Variants in ZDHHC3 observed in about 807,000 individuals in gnomAD.
ZDHHC3 encodes palmitoyltransferase ZDHHC3.
ZDHHC3 carries 9 observed loss-of-function variants against 30.6 expected under a neutral mutation model. That is an observed-to-expected ratio of 0.29 (90% confidence interval 0.18 to 0.51). ZDHHC3 has a LOEUF of 0.51. Among genes scored for constraint, ZDHHC3 ranks in the 20% least tolerant of loss-of-function variants. The pLI is 0.97. For missense variants in ZDHHC3, 246 were observed against 384.2 expected (o/e 0.64, Z 3.01); for synonymous variants, 136 against 140.2 (o/e 0.97, Z 0.21).
At position 44,959,409 on chromosome 3, in the gene ZDHHC3, G is replaced by T. The variant is rs750072750; in HGVS notation, c.28C>A (p.Arg10=). ...TATTCTGGTTTCCGCTCAATGTTTC[G>T]GAAGTGGTGGGTGGGGATAAGCATC... MMLIPTHHF[R]NIERKPEYLQ... The change falls in exon 2 of 7, where the codon CGA becomes AGA. Residue 10 remains arginine, a synonymous_variant. Transcript: ENST00000424952. The surrounding 1 kb of genome is among the most constrained non-coding windows in gnomAD (Gnocchi z 4.3). The T allele has an allele frequency of 6.2e-7, 1 of 1,614,016 alleles. No homozygotes were observed. The highest frequency in any genetic ancestry group is 1.7e-5 in the Admixed American group (1 of 60,010).
rs746385550 is a variant in ZDHHC3 at position 44,922,099 on chromosome 3, G to T, written c.*4590C>A. 4 of 985,468 alleles carry T rather than the reference G, an allele frequency of 4.1e-6. No individual in the cohort carries two copies. Among genetic ancestry groups the T allele is most frequent in the Non-Finnish European group, 4.8e-6 (4 of 829,946 alleles). 61.0% of individuals were successfully genotyped at this position (985,468 alleles called of 1,614,324 possible). A position where few individuals can be genotyped will look rare whatever the true frequency, so the allele number is the denominator to read the frequency against. The stretch of plus-strand genomic sequence containing the variant: ...GAGAAAAAGAAGGTTCAGGTTGGGA[G>T]TACGCTGGTCAGTGGCTTGTTTCTG... On this transcript the variant is annotated 3_prime_UTR_variant, in exon 7 of 7. Coordinates refer to ENST00000424952, the MANE Select transcript of ZDHHC3 (RefSeq NM_001135179.2).
At position 44,959,820 on chromosome 3, in the gene ZDHHC3, C is replaced by T. The variant is rs568997133; in HGVS notation, c.-24-360G>A. On this transcript the variant is annotated intron_variant, in intron 1 of 6. Coordinates refer to ENST00000424952, the MANE Select transcript of ZDHHC3 (RefSeq NM_001135179.2). The surrounding 1 kb of genome is among the most constrained non-coding windows in gnomAD (Gnocchi z 4.3). Reference sequence around the variant, plus strand: ...CATTCAGGCTGGAGTGCAGTGGCACCGTCTTAGGTCAATGCAGCCTCGACC... The same window carrying T: ...CATTCAGGCTGGAGTGCAGTGGCACTGTCTTAGGTCAATGCAGCCTCGACC... 4.7e-4 allele frequency among the ~76,000 whole-genome samples: 71 copies of T among 152,220 alleles called. No homozygotes were observed. The highest frequency in any genetic ancestry group is 1.4e-3 in the African/African-American group (58 of 41,522).
At chr3:44,963,019 A>T (rs1338086553) in intron 1 of ZDHHC3, among the ~76,000 whole-genome samples, 1 of 152,212 alleles carries the variant, frequency 6.6e-6, no homozygotes, top group Non-Finnish European at 1.5e-5. Flanking sequence ...TAGCCACTTA[A>T]TACATGTGTT....
chr3:44,920,597 G>C lies in ZDHHC3; in HGVS notation c.*6092C>G, dbSNP rs1559638445. ...GGCTCATCTAGCTTGTTATGTATCAGAACTGGAACCAGAACTAGTGTCTTT... is the reference window on the plus strand; with the variant it reads ...GGCTCATCTAGCTTGTTATGTATCACAACTGGAACCAGAACTAGTGTCTTT... On this transcript the variant is annotated 3_prime_UTR_variant, in exon 7 of 7. Transcript: ENST00000424952. 1.0e-6 allele frequency: 1 copy of C among 985,388 alleles called. No homozygotes were observed. Among genetic ancestry groups the C allele is most frequent in the African/African-American group, 1.7e-5 (1 of 57,344 alleles). 61.0% of individuals were successfully genotyped at this position (985,388 alleles called of 1,614,324 possible).
intron 5 of ZDHHC3, among the ~76,000 whole-genome samples, chr3:44,930,286 A>C (rs79025902): frequency 0.018 from 2,739 of 152,328 alleles, 42 homozygotes; most frequent in Middle Eastern, 0.085. Context: ...AGAGAAAGGC[A>C]AAGGTGCTGT....
chr3:44,951,872 G>A (rs1165406364), intron 2 of ZDHHC3, among the ~76,000 whole-genome samples: 1 of 152,132 alleles, frequency 6.6e-6, no homozygotes, highest in African/African-American at 2.4e-5. Flanking sequence ...CTCCCTGTCT[G>A]TGGGGCTGTG....
Position 44,929,407 on chromosome 3 carries a change from CTG to C in ZDHHC3, c.638_639del (p.Thr213SerfsTer10). On this transcript the variant is annotated frameshift_variant, in exon 6 of 7. Transcript: ENST00000424952. LOFTEE classifies it high-confidence loss of function. ...TKCSSFSPPT[T>X]VILLILLCFE... is the part of the protein sequence containing the mutation. The stretch of plus-strand genomic sequence containing the variant: ...AAGCACAGCAGGATAAGGAGAATCA[CTG>C]TGGTGGGTGGAGAGAAGGAGCTGCA... The C allele has an allele frequency of 6.2e-7, 1 of 1,614,098 alleles. No individual in the cohort carries two copies. The highest frequency in any genetic ancestry group is 8.5e-7 in the Non-Finnish European group (1 of 1,179,970).
At chr3:44,933,510 C>CT in intron 4 of ZDHHC3, 1 of 542,096 alleles carries the variant, frequency 1.8e-6, no homozygotes, top group Non-Finnish European at 3.3e-6. Context: ...TACCTCCTCC[C>CT]TTGAAAAGCC....
Position 44,918,425 on chromosome 3 carries a change from C to T in ZDHHC3, c.*8264G>A, listed in dbSNP as rs2125774159. 4 of 985,390 alleles carry T rather than the reference C, an allele frequency of 4.1e-6. No individual in the cohort carries two copies. The highest frequency in any genetic ancestry group is 4.8e-6 in the Non-Finnish European group (4 of 829,926). 61.0% of individuals were successfully genotyped at this position (985,390 alleles called of 1,614,324 possible). A position where few individuals can be genotyped will look rare whatever the true frequency, so the allele number is the denominator to read the frequency against. ...TTCTCCACCCACCACCCAGCCCTCC[C>T]CTTCTTTCCTTCCACAAGTGCAATG... On this transcript the variant is annotated 3_prime_UTR_variant, in exon 7 of 7. Transcript: ENST00000424952.
rs753044925 is a variant in ZDHHC3 at position 44,959,150 on chromosome 3, C to T, written c.287G>A (p.Arg96Gln). 17 of 1,614,178 alleles carry T rather than the reference C, an allele frequency of 1.1e-5. No homozygotes were observed. The highest frequency in any genetic ancestry group is 1.4e-5 in the Non-Finnish European group (17 of 1,180,022). Residue 96 changes from arginine to glutamine, a missense_variant, in exon 2 of 7, where the codon CGG becomes CAG. Physicochemically the swap from Arg to Gln is conservative, Grantham distance 43. Coordinates refer to ENST00000424952, the MANE Select transcript of ZDHHC3 (RefSeq NM_001135179.2). The surrounding 1 kb of genome is among the most constrained non-coding windows in gnomAD (Gnocchi z 4.3). The stretch of plus-strand genomic sequence containing the variant: ...ACTCACGGGGTCCGTCAGCATGGCC[C>T]GGCAGTGGGAGGCCAGGGCCAAGAA... The part of the protein sequence containing the change: ...LAFLALASHC[R>Q]AMLTDPGAVP...
At chr3:44,945,396 T>C in intron 2 of ZDHHC3, 104 bp from the exon 3 acceptor site, 4 of 1,442,132 alleles carry the variant, frequency 2.8e-6, no homozygotes, top group South Asian at 1.3e-5. Context: ...CACACACACA[T>C]GGACAGGACA....
rs779592815 is a variant in ZDHHC3, at chr3:44,959,349, G to C, written c.88C>G (p.Pro30Ala). 1.9e-6 allele frequency: 3 copies of C among 1,614,138 alleles called. No homozygotes were observed. In the African/African-American group the frequency reaches 4.0e-5, roughly 22 times the overall value. Residue 30 changes from proline (P) to alanine (A), a missense_variant, in exon 2 of 7, where the codon CCT becomes GCT. Pro to Ala is a conservative substitution (Grantham distance 27, BLOSUM62 -1). Coordinates refer to ENST00000424952, the MANE Select transcript of ZDHHC3 (RefSeq NM_001135179.2). The surrounding 1 kb of genome is among the most constrained non-coding windows in gnomAD (Gnocchi z 4.3). Reference protein sequence around the residue: ...QPEKCVPPPYPGPVGTMWFIR... With the variant: ...QPEKCVPPPYAGPVGTMWFIR... ...AACCACATGGTTCCCACAGGACCAGGGTAGGGGGGTGGGACACACTTCTCT... is the reference window on the plus strand; with the variant it reads ...AACCACATGGTTCCCACAGGACCAGCGTAGGGGGGTGGGACACACTTCTCT...
rs1038276185 is a variant in ZDHHC3, at chr3:44,925,215, C to T, written c.*1474G>A. On this transcript the variant is annotated 3_prime_UTR_variant, in exon 7 of 7. Coordinates refer to ENST00000424952, the MANE Select transcript of ZDHHC3 (RefSeq NM_001135179.2). ...TGCATTTTGTTTCCATGTGGAAGCA[C>T]TGACAGAATTGAAAAGTGGCAGCAT... The T allele has an allele frequency of 3.0e-6, 3 of 985,732 alleles. No homozygotes were observed. The highest frequency in any genetic ancestry group is 5.2e-4 in the Middle Eastern group (1 of 1,936). The allele number at this position is 985,732 out of a possible 1,614,324, so 61.1% of individuals were successfully genotyped here.
At position 44,958,812 on chromosome 3, in the gene ZDHHC3, G is replaced by A; in HGVS notation, c.306+319C>T. ...TGATCATCTGGCCCCAGTCTTCAAG[G>A]TTATCTGTGTCTTTTTAACCAGAGG... On this transcript the variant is annotated intron_variant, in intron 2 of 6. Coordinates refer to ENST00000424952, the MANE Select transcript of ZDHHC3 (RefSeq NM_001135179.2). 3 of 872,278 alleles carry A rather than the reference G, an allele frequency of 3.4e-6. No individual in the cohort carries two copies. The South Asian group carries it at 5.2e-5, about 15-fold the overall frequency. 54.0% of individuals were successfully genotyped at this position (872,278 alleles called of 1,614,324 possible).
intron 2 of ZDHHC3, among the ~76,000 whole-genome samples, chr3:44,955,340 C>A (rs1423585938): frequency 6.6e-6 from 1 of 152,014 alleles, no homozygotes; most frequent in African/African-American, 2.4e-5. Context: ...TGGAGTAAAT[C>A]ACTGAAAAAT....
At chr3:44,965,771 C>T (rs1418731635) in intron 1 of ZDHHC3, among the ~76,000 whole-genome samples, 1 of 152,216 alleles carries the variant, frequency 6.6e-6, no homozygotes, top group Non-Finnish European at 1.5e-5. Flanking sequence ...GACCCCCATC[C>T]TCTCAGATTG....
chr3:44,945,440 A>G, intron 2 of ZDHHC3, 148 bp from the exon 3 acceptor site: 1 of 1,173,066 alleles, frequency 8.5e-7, no homozygotes, highest in South Asian at 1.5e-5. Context: ...CTCTGTGTTC[A>G]GAATTATGCC....
chr3:44,937,301 G>A (rs1292905475), intron 3 of ZDHHC3, among the ~76,000 whole-genome samples: 5 of 151,890 alleles, frequency 3.3e-5, no homozygotes, highest in South Asian at 2.1e-4. Context: ...AAAATTAGCC[G>A]GGTGTGGTAG....
intron 2 of ZDHHC3, among the ~76,000 whole-genome samples, chr3:44,947,552 T>C (rs572929378): frequency 7.9e-5 from 12 of 152,334 alleles, no homozygotes; most frequent in African/African-American, 2.6e-4. Context: ...AGGGCTCAGA[T>C]GGTACTGCCA....
Sources: allele counts gnomAD v4.1 joint callset (sites outside exome capture counted in the v4.1 genomes callset), GRCh38; gene constraint gnomAD v4.1.1; non-coding constraint Gnocchi (gnomAD v3.1); transcripts MANE v1.5; gene names NCBI Gene and HGNC (gene_info 2026-07-23, HGNC 2026-07-21).